SLFN5: variants seen among roughly 807,000 people sequenced by gnomAD.
SLFN5 encodes the protein schlafen family member 5.
SLFN5 carries 34 observed loss-of-function variants against 48.5 expected under a neutral mutation model. That is an observed-to-expected ratio of 0.70 (90% CI 0.53 to 0.93). SLFN5 has a LOEUF of 0.93. Ranked by LOEUF, SLFN5 falls within the 40% of genes least tolerant of loss-of-function variation. SLFN5 has a pLI of 0.00. For synonymous variants in SLFN5, 387 were observed against 396.2 expected (o/e 0.98, Z 0.28); for missense variants, 1,006 against 1,071.3 (o/e 0.94, Z 0.85).
Position 35,264,174 on chromosome 17 carries a change from C to T in SLFN5, c.1139-9C>T. The T allele has an allele frequency of 1.3e-6, 2 of 1,561,708 alleles. No individual in the cohort carries two copies. The highest frequency in any genetic ancestry group is 1.7e-6 in the Non-Finnish European group (2 of 1,159,446). Reference sequence around the variant, plus strand: ...TTTTCTAATTTCTTCCCATCCTTTCCCTGTCTAGTATTTTCAGACAGAGTG... The same window carrying T: ...TTTTCTAATTTCTTCCCATCCTTTCTCTGTCTAGTATTTTCAGACAGAGTG... On this transcript the variant is annotated splice_polypyrimidine_tract_variant and intron_variant, in intron 3 of 4. Transcript: ENST00000299977.
chr17:35,250,971 G>A lies in SLFN5; in HGVS notation c.-40-7680G>A, dbSNP rs575001309. ...AAATGACAGATGAGAGGATTTCTAG[G>A]TTAACTGGATATTGCAAACAATAGG... On this transcript the variant is annotated intron_variant, in intron 1 of 4. Coordinates refer to ENST00000299977, the MANE Select transcript of SLFN5 (RefSeq NM_144975.4). Among the ~76,000 whole-genome samples, 4 of 152,250 alleles carry A rather than the reference G, an allele frequency of 2.6e-5. No individual in the cohort carries two copies. In the South Asian group the frequency reaches 8.3e-4, roughly 32 times the overall value.
Position 35,258,686 on chromosome 17 carries a change from A to G in SLFN5, c.-5A>G. 1 of 1,608,972 alleles carries G rather than the reference A, an allele frequency of 6.2e-7. No individual in the cohort carries two copies. Among genetic ancestry groups the G allele is most frequent in the South Asian group, 1.1e-5 (1 of 90,786 alleles). On this transcript the variant is annotated 5_prime_UTR_variant, in exon 2 of 5. Transcript: ENST00000299977. The stretch of plus-strand genomic sequence containing the variant: ...CAGGATAGGAATAGGCCAAGTGCTG[A>G]GAAGATGAGTCTTAGGATTGATGTG...
In SLFN5 at chr17:35,267,776, T is replaced by C. The variant is rs1466019896; in HGVS notation, c.*1888T>C. 1 of 152,126 alleles carries C rather than the reference T, an allele frequency of 6.6e-6. No individual in the cohort carries two copies. Among genetic ancestry groups the C allele is most frequent in the Non-Finnish European group, 1.5e-5 (1 of 68,028 alleles). 9.4% of individuals were successfully genotyped at this position (152,126 alleles called of 1,614,324 possible). A position where few individuals can be genotyped will look rare whatever the true frequency, so the allele number is the denominator to read the frequency against. On this transcript the variant is annotated 3_prime_UTR_variant, in exon 5 of 5. Transcript: ENST00000299977. ...AATTTAAAAGTTTTATATAAAGGCA[T>C]AGCTACTATCTCATCTGCCCAGTGT...
chr17:35,245,670 C>G (rs542911992), intron 1 of SLFN5, among the ~76,000 whole-genome samples: 1 of 152,260 alleles, frequency 6.6e-6, no homozygotes, highest in South Asian at 2.1e-4. Context: ...ATAGTTCTTT[C>G]CTTTTTATTA....
intron 3 of SLFN5, 124 bp from the exon 4 acceptor site, chr17:35,264,059 C>T: frequency 1.7e-6 from 2 of 1,145,874 alleles, no homozygotes; most frequent in Non-Finnish European, 2.4e-6. Flanking sequence ...CTTTTTATTA[C>T]TAATGTATAA....
Position 35,266,177 on chromosome 17 carries a change from T to TGTGTGTGTGCGCGC in SLFN5, c.*290_*291insTGTGTGTGCGCGCG, listed in dbSNP as rs35160124. On this transcript the variant is annotated 3_prime_UTR_variant, in exon 5 of 5. Transcript: ENST00000299977. ...GTGTGTGTGTGTGTGTGTGTGTGTG[T>TGTGTGTGTGCGCGC]GCGCGCGCGCACGTGCACATGTGTG... is the stretch of plus-strand genomic sequence containing the variant. The TGTGTGTGTGCGCGC allele has an allele frequency of 7.3e-3, 1,258 of 173,360 alleles. 17 individuals are homozygous for TGTGTGTGTGCGCGC. The highest frequency in any genetic ancestry group is 0.028 in the Middle Eastern group (10 of 354). 10.7% of individuals were successfully genotyped at this position (173,360 alleles called of 1,614,324 possible). A position where few individuals can be genotyped will look rare whatever the true frequency, so the allele number is the denominator to read the frequency against.
At chr17:35,244,702 G>A (rs1450122520) in intron 1 of SLFN5, among the ~76,000 whole-genome samples, 3 of 152,096 alleles carry the variant, frequency 2.0e-5, no homozygotes, top group Non-Finnish European at 4.4e-5. Flanking sequence ...GAGGCTGGTG[G>A]ATCACGTGAG....
rs985619189 is a variant in SLFN5 at position 35,270,295 on chromosome 17, A to G, written c.*4407A>G. On this transcript the variant is annotated 3_prime_UTR_variant, in exon 5 of 5. Coordinates refer to ENST00000299977, the MANE Select transcript of SLFN5 (RefSeq NM_144975.4). The stretch of plus-strand genomic sequence containing the variant: ...AATTTTATTGACTTTGCCCCTTTGC[A>G]TAAAGACCTTGAAGGTCACATGCTG... 1 of 152,192 alleles carries G rather than the reference A, an allele frequency of 6.6e-6. No individual in the cohort carries two copies. Among genetic ancestry groups the G allele is most frequent in the African/African-American group, 2.4e-5 (1 of 41,450 alleles). The allele number at this position is 152,192 out of a possible 1,614,324, so 9.4% of individuals were successfully genotyped here.
chr17:35,270,021 G>A lies in SLFN5; in HGVS notation c.*4133G>A, dbSNP rs919014582. 8 of 152,004 alleles carry A rather than the reference G, an allele frequency of 5.3e-5. No homozygotes were observed. Among genetic ancestry groups the A allele is most frequent in the South Asian group, 2.1e-4 (1 of 4,810 alleles). The allele number at this position is 152,004 out of a possible 1,614,324, so 9.4% of individuals were successfully genotyped here. ...GTTCTTGAGTTAAAGAAAAATATTC[G>A]GTAGTTCAGCTCTTCCTTCAATTTT... On this transcript the variant is annotated 3_prime_UTR_variant, in exon 5 of 5. Transcript: ENST00000299977.
intron 2 of SLFN5, 76 bp from the exon 3 acceptor site, chr17:35,260,895 G>T: frequency 6.4e-7 from 1 of 1,554,654 alleles, no homozygotes; most frequent in South Asian, 1.2e-5. Flanking sequence ...CTAGGTGAAA[G>T]ACTTTGTAGC....
chr17:35,251,372 A>G lies in SLFN5; in HGVS notation c.-40-7279A>G, dbSNP rs79563641. On this transcript the variant is annotated intron_variant, in intron 1 of 4. Coordinates refer to ENST00000299977, the MANE Select transcript of SLFN5 (RefSeq NM_144975.4). The stretch of plus-strand genomic sequence containing the variant: ...CGCCTGACCTCATGGTTTCTCATGC[A>G]ACACAAACATTACTAATTTGGGGTT... 5.9e-5 allele frequency among the ~76,000 whole-genome samples: 9 copies of G among 152,328 alleles called. No individual in the cohort carries two copies. The East Asian group carries it at 1.7e-3, about 29-fold the overall frequency.
At chr17:35,249,617 C>A (rs2092437983) in intron 1 of SLFN5, among the ~76,000 whole-genome samples, 1 of 152,184 alleles carries the variant, frequency 6.6e-6, no homozygotes, top group African/African-American at 2.4e-5. Context: ...CATATTTATT[C>A]CATCTCCCAG....
intron 4 of SLFN5, 65 bp downstream of exon 4, chr17:35,264,968 T>G (rs11080334): frequency 0.41 from 622,913 of 1,532,768 alleles, 135,583 homozygotes; most frequent in Middle Eastern, 0.52. Context: ...GCTTTCAGTT[T>G]ACTTGCTAAA....
chr17:35,250,005 T>A (rs2092438725), intron 1 of SLFN5, among the ~76,000 whole-genome samples: 1 of 152,176 alleles, frequency 6.6e-6, no homozygotes, highest in Non-Finnish European at 1.5e-5. Context: ...AAGGAATGGC[T>A]CGAACCTACA....
Position 35,271,540 on chromosome 17 carries a change from G to A in SLFN5, c.*5652G>A, listed in dbSNP as rs1198804650. The A allele has an allele frequency of 6.6e-6, 1 of 151,966 alleles. No individual in the cohort carries two copies. The highest frequency in any genetic ancestry group is 1.5e-5 in the Non-Finnish European group (1 of 67,998). 9.4% of individuals were successfully genotyped at this position (151,966 alleles called of 1,614,324 possible). A position where few individuals can be genotyped will look rare whatever the true frequency, so the allele number is the denominator to read the frequency against. On this transcript the variant is annotated 3_prime_UTR_variant, in exon 5 of 5. Coordinates refer to ENST00000299977, the MANE Select transcript of SLFN5 (RefSeq NM_144975.4). ...GAATAACTGCAACAAGAAAATATAA[G>A]TTCTGCAACAATAAAACTATACAAT...
chr17:35,254,121 C>T (rs140046120), intron 1 of SLFN5, among the ~76,000 whole-genome samples: 18 of 152,320 alleles, frequency 1.2e-4, no homozygotes, highest in East Asian at 1.2e-3. Flanking sequence ...TTATTTACAA[C>T]GGTGCCAAAT....
rs1904687540 is a variant in SLFN5, at chr17:35,266,177, TGCGCGCGCGCAC to T, written c.*291_*302del. The T allele has an allele frequency of 1.6e-4, 27 of 173,322 alleles. No individual in the cohort carries two copies. The highest frequency in any genetic ancestry group is 2.3e-4 in the Non-Finnish European group (20 of 85,176). The allele number at this position is 173,322 out of a possible 1,614,324, so 10.7% of individuals were successfully genotyped here. ...GTGTGTGTGTGTGTGTGTGTGTGTG[TGCGCGCGCGCAC>T]GTGCACATGTGTGTAGGTAGATGGA... On this transcript the variant is annotated 3_prime_UTR_variant, in exon 5 of 5. Coordinates refer to ENST00000299977, the MANE Select transcript of SLFN5 (RefSeq NM_144975.4).
At chr17:35,246,557 A>T (rs868292215) in intron 1 of SLFN5, among the ~76,000 whole-genome samples, 48 of 152,182 alleles carry the variant, frequency 3.2e-4, no homozygotes, top group African/African-American at 1.0e-3. Context: ...ATTTAAAAAA[A>T]TTTATTGTGC....
At chr17:35,261,135 T>A in intron 3 of SLFN5, 39 bp downstream of exon 3, 6 of 1,594,620 alleles carry the variant, frequency 3.8e-6, no homozygotes, top group Non-Finnish European at 5.1e-6. Context: ...ATATGTTGAT[T>A]GTTCATTCAT....
Sources: allele counts gnomAD v4.1 joint callset (sites outside exome capture counted in the v4.1 genomes callset), GRCh38; gene constraint gnomAD v4.1.1; transcripts MANE v1.5; gene names NCBI Gene and HGNC (gene_info 2026-07-23, HGNC 2026-07-21).